The following SH3RF2 variants were observed in gnomAD, a reference collection of about 807,000 sequenced individuals.
SH3RF2 encodes the protein SH3 domain containing ring finger 2, also known as E3 ubiquitin-protein ligase SH3RF2.
SH3RF2 carries 43 observed loss-of-function variants against 59.0 expected under a neutral mutation model. The ratio of observed to expected loss-of-function variants is 0.73; its 90% CI spans 0.57 to 0.94. The LOEUF (loss-of-function observed/expected upper bound fraction) is 0.94, where lower values mean the gene tolerates loss of function less well. SH3RF2 is among the 40% of genes least tolerant of loss of function. The probability of loss-of-function intolerance (pLI) is 0.00; values close to 1 mark genes in which losing one functional copy is unlikely to be tolerated. For synonymous variants in SH3RF2, 391 were observed against 391.5 expected (o/e 1.00, Z 0.01); for missense variants, 930 against 940.1 (o/e 0.99, Z 0.14).
intron 3 of SH3RF2, 81 bp downstream of exon 3, chr5:146,000,408 C>A: frequency 7.9e-7 from 1 of 1,267,702 alleles, no homozygotes; most frequent in South Asian, 2.1e-5. Context: ...TTAATATTTG[C>A]TGATTTTAAA....
chr5:146,055,929 A>G, intron 7 of SH3RF2, 52 bp from the exon 8 acceptor site: 1 of 1,582,974 alleles, frequency 6.3e-7, no homozygotes, highest in Non-Finnish European at 8.6e-7. Context: ...CTCTTGACTG[A>G]ACATTTTCTT....
At chr5:145,959,661 G>A (rs889055625) in intron 2 of SH3RF2, among the ~76,000 whole-genome samples, 1 of 145,898 alleles carries the variant, frequency 6.9e-6, no homozygotes, top group Non-Finnish European at 1.5e-5. Context: ...GTGTGTGTGT[G>A]TATACATATA....
intron 2 of SH3RF2, among the ~76,000 whole-genome samples, chr5:145,940,098 T>C (rs543219290): frequency 1.2e-3 from 180 of 152,318 alleles, no homozygotes; most frequent in African/African-American, 4.2e-3. Context: ...ATTAAGATAC[T>C]GGGTCTCTCT....
Position 146,056,002 on chromosome 5 carries a change from C to G in SH3RF2, c.1344C>G (p.Asp448Glu). Residue 448 changes from aspartate (D) to glutamate (E), a missense_variant, in exon 8 of 10, where the codon GAC becomes GAG. Asp to Glu is a conservative substitution (Grantham distance 45, BLOSUM62 2). Transcript: ENST00000359120. ...PIFRKTSSFP[D>E]SRSPGLYTTW... ...CCAGAAAGACCTCTAGTTTTCCAGA[C>G]TCCCGGAGCCCTGGTCTCTACACCA... 1 of 1,613,854 alleles carries G rather than the reference C, an allele frequency of 6.2e-7. No individual in the cohort carries two copies. The highest frequency in any genetic ancestry group is 1.1e-5 in the South Asian group (1 of 90,960).
At chr5:146,002,031 A>G (rs1249844097) in intron 3 of SH3RF2, among the ~76,000 whole-genome samples, 1 of 152,250 alleles carries the variant, frequency 6.6e-6, no homozygotes, top group Non-Finnish European at 1.5e-5. Context: ...TGCATTCAAT[A>G]AACTTATTGG....
At chr5:146,027,327 C>T (rs1338969594) in intron 5 of SH3RF2, among the ~76,000 whole-genome samples, 3 of 152,230 alleles carry the variant, frequency 2.0e-5, no homozygotes, top group East Asian at 1.9e-4. Context: ...TCCACCATTT[C>T]CTATACACAC....
chr5:146,001,668 T>C (rs1053311137), intron 3 of SH3RF2, among the ~76,000 whole-genome samples: 1 of 152,328 alleles, frequency 6.6e-6, no homozygotes, highest in Admixed American at 6.5e-5. Flanking sequence ...TGGGAATTTG[T>C]AAACTGGGGC....
At chr5:146,081,467 T>G (rs1351463637) in exon 10 of SH3RF2, 1 of 152,174 alleles carries the variant, frequency 6.6e-6, no homozygotes, top group Non-Finnish European at 1.5e-5. Context: ...AGAGCTTGAC[T>G]TGGGTTAGTG....
intron 2 of SH3RF2, among the ~76,000 whole-genome samples, chr5:145,965,385 T>C (rs1454626726): frequency 6.6e-6 from 1 of 152,138 alleles, no homozygotes; most frequent in African/African-American, 2.4e-5. Context: ...TGGGGCTTTA[T>C]TAGGCCCAGA....
At chr5:146,011,047 G>A (rs370630558) in intron 4 of SH3RF2, among the ~76,000 whole-genome samples, 2 of 152,100 alleles carry the variant, frequency 1.3e-5, no homozygotes, top group African/African-American at 2.4e-5. Context: ...ATCTTGAATT[G>A]ATTTTTGTAT....
chr5:146,016,144 G>C (rs1207330712), intron 5 of SH3RF2, among the ~76,000 whole-genome samples: 1 of 152,090 alleles, frequency 6.6e-6, no homozygotes, highest in Non-Finnish European at 1.5e-5. Flanking sequence ...CATATACTTA[G>C]GGAAGACTTG....
chr5:146,006,775 A>G (rs1760663736), intron 4 of SH3RF2, among the ~76,000 whole-genome samples: 1 of 152,208 alleles, frequency 6.6e-6, no homozygotes, highest in African/African-American at 2.4e-5. Flanking sequence ...TGGCTTAACA[A>G]AGAAAATGTT....
intron 6 of SH3RF2, among the ~76,000 whole-genome samples, 158 bp from the exon 7 acceptor site, chr5:146,048,917 G>A (rs1200990405): frequency 6.6e-6 from 1 of 152,032 alleles, no homozygotes; most frequent in Non-Finnish European, 1.5e-5. Context: ...TTGGCCTCCC[G>A]AACTGCTGGG....
At chr5:145,960,702 G>A (rs1290770464) in intron 2 of SH3RF2, among the ~76,000 whole-genome samples, 1 of 152,068 alleles carries the variant, frequency 6.6e-6, no homozygotes, top group Non-Finnish European at 1.5e-5. Context: ...TGTGGTGGGT[G>A]GAAAAGGATA....
At chr5:146,025,709 CTGT>C (rs201682175) in intron 5 of SH3RF2, among the ~76,000 whole-genome samples, 1 of 134,034 alleles carries the variant, frequency 7.5e-6, no homozygotes, top group South Asian at 2.2e-4. Context: ...TCTATGGATT[CTGT>C]TGTTGTTTTT....
At chr5:146,046,449 C>T (rs954322740) in intron 5 of SH3RF2, among the ~76,000 whole-genome samples, 1 of 152,170 alleles carries the variant, frequency 6.6e-6, no homozygotes, top group African/African-American at 2.4e-5. Context: ...CACAGAGTTA[C>T]CATCATTTAT....
chr5:145,966,551 T>A (rs1268988270), intron 2 of SH3RF2, among the ~76,000 whole-genome samples: 3 of 152,222 alleles, frequency 2.0e-5, no homozygotes, highest in African/African-American at 7.2e-5. Context: ...TATTGAGAAC[T>A]GCCAAGACAG....
intron 2 of SH3RF2, chr5:145,997,765 A>G (rs1760225512): frequency 1.7e-5 from 26 of 1,574,052 alleles, no homozygotes; most frequent in Non-Finnish European, 2.3e-5. Flanking sequence ...AAAAGCAGCA[A>G]AAAAAGAGTC....
chr5:146,067,534 T>C (rs1223444593), downstream of SH3RF2, among the ~76,000 whole-genome samples: 5 of 152,216 alleles, frequency 3.3e-5, no homozygotes, highest in Non-Finnish European at 5.9e-5. Context: ...AAGCCTGGCC[T>C]GGGCCCTAGA....
Sources: allele counts gnomAD v4.1 joint callset (sites outside exome capture counted in the v4.1 genomes callset), GRCh38; gene constraint gnomAD v4.1.1; transcripts MANE v1.5; gene names NCBI Gene and HGNC (gene_info 2026-07-23, HGNC 2026-07-21).